SND1: variants seen among roughly 807,000 people sequenced by gnomAD.
SND1 encodes staphylococcal nuclease and tudor domain containing 1.
SND1 carries 38 observed loss-of-function variants against 121.7 expected under a neutral mutation model. The observed-to-expected ratio is 0.31, with a 90% confidence interval of 0.24 to 0.41. The LOEUF is 0.41. SND1 is among the 10% of genes least tolerant of loss of function. The probability of loss-of-function intolerance (pLI) is 1.00; values close to 1 mark genes in which losing one functional copy is unlikely to be tolerated. For synonymous variants in SND1, 401 were observed against 447.4 expected (o/e 0.90, Z 1.31); for missense variants, 868 against 1,184.6 (o/e 0.73, Z 3.92).
intron 10 of SND1, among the ~76,000 whole-genome samples, chr7:127,756,894 G>T (rs1047990932): frequency 2.6e-5 from 4 of 152,124 alleles, no homozygotes; most frequent in African/African-American, 9.7e-5. Flanking sequence ...ATTAATCTGT[G>T]TATCTGCCAC....
chr7:127,968,904 A>C (rs1801915167), intron 15 of SND1, among the ~76,000 whole-genome samples: 1 of 152,172 alleles, frequency 6.6e-6, no homozygotes, highest in African/African-American at 2.4e-5. Flanking sequence ...TCTATTGTAA[A>C]CATCTGGAGC....
chr7:127,719,725 C>T (rs369186129), intron 9 of SND1, among the ~76,000 whole-genome samples: 2 of 152,164 alleles, frequency 1.3e-5, no homozygotes, highest in East Asian at 3.8e-4. Flanking sequence ...TTAGAACTTT[C>T]ATTACTTTTC....
At chr7:127,939,351 C>T (rs1277652981) in intron 15 of SND1, among the ~76,000 whole-genome samples, 2 of 152,160 alleles carry the variant, frequency 1.3e-5, no homozygotes, top group Non-Finnish European at 2.9e-5. Flanking sequence ...GACAGACTTC[C>T]ATGACATAAT....
At chr7:127,863,068 G>A (rs1319199465) in intron 12 of SND1, among the ~76,000 whole-genome samples, 1 of 152,134 alleles carries the variant, frequency 6.6e-6, no homozygotes, top group African/African-American at 2.4e-5. Flanking sequence ...TGCAAACAAG[G>A]CAGCGGAGTC....
intron 17 of SND1, among the ~76,000 whole-genome samples, chr7:128,076,316 C>T (rs1196400265): frequency 6.6e-6 from 1 of 152,188 alleles, no homozygotes; most frequent in Non-Finnish European, 1.5e-5. Flanking sequence ...CACTTGATGA[C>T]GCTGAGGAGT....
chr7:127,945,205 T>G (rs535412042), intron 15 of SND1, among the ~76,000 whole-genome samples: 1 of 152,320 alleles, frequency 6.6e-6, no homozygotes, highest in East Asian at 1.9e-4. Flanking sequence ...TTTTAAAATT[T>G]AGAAAGGCTG....
intron 17 of SND1, among the ~76,000 whole-genome samples, chr7:128,080,686 G>T (rs1164122170): frequency 1.3e-5 from 2 of 152,148 alleles, no homozygotes; most frequent in African/African-American, 4.8e-5. Flanking sequence ...TGAAAGCAGG[G>T]CTCTCACACT....
At chr7:127,881,763 CAGTCTCA>C (rs1042796491) in intron 12 of SND1, among the ~76,000 whole-genome samples, 4 of 152,078 alleles carry the variant, frequency 2.6e-5, no homozygotes, top group Admixed American at 2.6e-4. Context: ...GTTTTTGAGA[CAGTCTCA>C]CTCTGTCACC....
rs190538911 is a variant in SND1 at position 128,045,736 on chromosome 7, G to T, written c.1780-28766G>T. On this transcript the variant is annotated intron_variant, in intron 16 of 23. Transcript: ENST00000354725. Reference sequence around the variant, plus strand: ...TTGGTTTAACTAAGATATGTCCCCAGGTCAGAATCAGGCACCTTGGTTTTT... The same window carrying T: ...TTGGTTTAACTAAGATATGTCCCCATGTCAGAATCAGGCACCTTGGTTTTT... Among the ~76,000 whole-genome samples, 1,283 of 152,260 alleles carry T rather than the reference G, an allele frequency of 8.4e-3. 11 individuals carry two copies. The highest frequency in any genetic ancestry group is 0.015 in the Non-Finnish European group (1,010 of 68,024).
Position 127,889,000 on chromosome 7 carries a change from C to A in SND1, c.1454+988C>A, listed in dbSNP as rs541182080. 3.2e-4 allele frequency among the ~76,000 whole-genome samples: 48 copies of A among 152,238 alleles called. 1 individual carries two copies. The Middle Eastern group carries it at 0.014, about 43-fold the overall frequency. The stretch of plus-strand genomic sequence containing the variant: ...TGATATGTGACATTTACCTCTAACA[C>A]CGTGTCACATCCTGATGGATAGAGC... On this transcript the variant is annotated intron_variant, in intron 13 of 23. Transcript: ENST00000354725.
intron 12 of SND1, among the ~76,000 whole-genome samples, chr7:127,867,001 A>G (rs949418048): frequency 1.1e-4 from 17 of 152,066 alleles, no homozygotes; most frequent in Non-Finnish European, 2.4e-4. Context: ...ATTTTGTGCT[A>G]TTGGCTATTC....
chr7:127,833,377 T>G (rs1295742736), intron 11 of SND1, among the ~76,000 whole-genome samples: 2 of 151,610 alleles, frequency 1.3e-5, no homozygotes, highest in Non-Finnish European at 2.9e-5. Context: ...GTGATTCTCA[T>G]GTCTCAGCCT....
At chr7:127,909,474 C>T (rs924677177) in intron 14 of SND1, among the ~76,000 whole-genome samples, 12 of 149,204 alleles carry the variant, frequency 8.0e-5, no homozygotes, top group Non-Finnish European at 1.2e-4. Context: ...TTTAAGGATA[C>T]GGAGTCTCAC....
chr7:127,668,978 A>G (rs903189612), intron 1 of SND1, among the ~76,000 whole-genome samples: 1 of 150,982 alleles, frequency 6.6e-6, no homozygotes, highest in Non-Finnish European at 1.5e-5. Context: ...CTCCAGTCAG[A>G]TTCCCTCAGC....
chr7:127,881,587 C>T lies in SND1; in HGVS notation c.1344-6315C>T, dbSNP rs573334659. On this transcript the variant is annotated intron_variant, in intron 12 of 23. Coordinates refer to ENST00000354725, the MANE Select transcript of SND1 (RefSeq NM_014390.4). ...GGGAAAGTTTTATCTTTATTGTCCC[C>T]GTTGAAATATGCATTACCTTTGGCT... Among the ~76,000 whole-genome samples, 8 of 152,162 alleles carry T rather than the reference C, an allele frequency of 5.3e-5. No homozygotes were observed. In the South Asian group the frequency reaches 1.5e-3, roughly 28 times the overall value.
In SND1 at chr7:128,016,805, TC is replaced by T. The variant is rs1214573448; in HGVS notation, c.1779+25750del. 7.2e-5 allele frequency among the ~76,000 whole-genome samples: 11 copies of T among 152,222 alleles called. No homozygotes were observed. The South Asian group carries it at 8.3e-4, about 11-fold the overall frequency. ...TTCCTGTTACAATTGTTACTTAACC[TC>T]TTAACCATAGGAAACTTGCTTTCTT... On this transcript the variant is annotated intron_variant, in intron 16 of 23. Coordinates refer to ENST00000354725, the MANE Select transcript of SND1 (RefSeq NM_014390.4).
intron 11 of SND1, among the ~76,000 whole-genome samples, chr7:127,835,432 T>C (rs1306704776): frequency 6.6e-6 from 1 of 152,100 alleles, no homozygotes; most frequent in African/African-American, 2.4e-5. Flanking sequence ...TTGACGCTTG[T>C]ATAATGGAGA....
intron 15 of SND1, among the ~76,000 whole-genome samples, chr7:127,943,568 T>TC (rs1439459208): frequency 6.6e-5 from 10 of 152,224 alleles, no homozygotes; most frequent in African/African-American, 2.4e-4. Flanking sequence ...CTGTGCCTGT[T>TC]ACCTGGCAAA....
chr7:127,898,430 C>T (rs1800161161), intron 13 of SND1, among the ~76,000 whole-genome samples: 2 of 152,138 alleles, frequency 1.3e-5, no homozygotes, highest in South Asian at 2.1e-4. Context: ...TCTGCACCTG[C>T]TCCTGCTCTG....
Sources: gnomAD v4.1 joint callset for allele counts (sites outside exome capture counted in the v4.1 genomes callset) on GRCh38, gnomAD v4.1.1 for gene constraint, MANE v1.5 for transcripts, NCBI Gene and HGNC (gene_info 2026-07-23, HGNC 2026-07-21) for gene names.